The following SLC12A5 variants were observed in gnomAD, a reference collection of about 807,000 sequenced individuals.
SLC12A5 encodes K-Cl cotransporter 2.
In SLC12A5, 18 loss-of-function variants were observed where a neutral mutation model predicts 124.0. That is an observed-to-expected ratio of 0.15 (90% CI 0.10 to 0.22). The LOEUF is 0.22. Among genes scored for constraint, SLC12A5 ranks in the 10% least tolerant of loss-of-function variants. SLC12A5 has a pLI of 1.00. For missense variants in SLC12A5, 867 were observed against 1,478.7 expected, an observed-to-expected ratio of 0.59 and a Z score of 6.78; for synonymous variants, 589 against 568.0, an observed-to-expected ratio of 1.04 and a Z score of -0.53.
intron 15 of SLC12A5, 94 bp downstream of exon 15, chr20:46,047,667 G>T (rs1161625700): frequency 6.7e-7 from 1 of 1,494,392 alleles, no homozygotes; most frequent in East Asian, 2.3e-5. Context: ...GGGTGGTGGG[G>T]GTGAGATGAA....
chr20:46,027,768 A>C (rs545148430), upstream of SLC12A5: 4 of 152,328 alleles, frequency 2.6e-5, no homozygotes, highest in African/African-American at 9.6e-5. Context: ...AGAGAGTCCT[A>C]AACTGGAGTA....
rs966099844 is a variant in SLC12A5 at position 46,057,784 on chromosome 20, C to T, written c.*179C>T. ...TGGGGCTGATTCGGAGAGGGCGCCC[C>T]GCCGCGCAGAGACCAGAGCTCCTCA... On this transcript the variant is annotated 3_prime_UTR_variant, in exon 26 of 26. Transcript: ENST00000243964. This position sits in a 1 kb window ranked among gnomAD's most constrained non-coding sequence, Gnocchi z 7.1. 1.4e-5 allele frequency: 8 copies of T among 569,708 alleles called. No individual in the cohort carries two copies. Among genetic ancestry groups the T allele is most frequent in the South Asian group, 6.7e-5 (3 of 44,632 alleles). The allele number at this position is 569,708 out of a possible 1,614,324, so 35.3% of individuals were successfully genotyped here.
At chr20:46,048,202 G>A (rs528068957) in intron 16 of SLC12A5, 117 bp downstream of exon 16, 42 of 911,984 alleles carry the variant, frequency 4.6e-5, no homozygotes, top group Admixed American at 3.8e-4. Context: ...TTGCTGAGTC[G>A]TGCCCTAAAA....
At position 46,047,479 on chromosome 20, in the gene SLC12A5, C is replaced by T; in HGVS notation, c.1813C>T (p.Leu605Phe). 1.2e-6 allele frequency: 2 copies of T among 1,614,068 alleles called. No homozygotes were observed. The highest frequency in any genetic ancestry group is 1.7e-6 in the Non-Finnish European group (2 of 1,179,926). The change falls in exon 15 of 26, where the codon CTC becomes TTC. Residue 605 changes from leucine to phenylalanine, a missense_variant. Transcript: ENST00000243964. ...GACCCTCTCCTTCCTGGGCATGAGC[C>T]TCTGCCTGGCCCTCATGTTCATCTG... ...HWTLSFLGMS[L>F]CLALMFICSW...
At position 46,035,854 on chromosome 20, in the gene SLC12A5, G is replaced by A; in HGVS notation, c.357G>A (p.Arg119=). The part of the protein sequence containing the change: ...QNIFGVILFL[R]LTWVVGIAGI... ...TCTTTGGCGTCATCCTCTTCCTGCG[G>A]CTCACCTGGGTGGTGGGCATTGCAG... The change falls in exon 4 of 26, where the codon CGG becomes CGA. Residue 119 remains arginine (R), a synonymous_variant. Transcript: ENST00000243964. 1 of 1,614,072 alleles carries A rather than the reference G, an allele frequency of 6.2e-7. No individual in the cohort carries two copies. Among genetic ancestry groups the A allele is most frequent in the Non-Finnish European group, 8.5e-7 (1 of 1,179,966 alleles).
chr20:46,031,013 G>A (rs12373874), intron 1 of SLC12A5, among the ~76,000 whole-genome samples: 3,141 of 152,278 alleles, frequency 0.021, 40 homozygotes, highest in Non-Finnish European at 0.033. Flanking sequence ...CAGGCATCCC[G>A]ACGCGGATCT....
intron 1 of SLC12A5, among the ~76,000 whole-genome samples, chr20:46,033,346 G>A (rs1317516028): frequency 1.3e-5 from 2 of 152,160 alleles, no homozygotes; most frequent in African/African-American, 4.8e-5. Flanking sequence ...CCAGAGAGAT[G>A]TCAACTGCTG....
upstream of SLC12A5, among the ~76,000 whole-genome samples, chr20:46,026,744 G>GAT (rs912753813): frequency 3.9e-5 from 6 of 152,218 alleles, no homozygotes; most frequent in African/African-American, 1.4e-4. Flanking sequence ...TTTGCCCAGA[G>GAT]ATACACAGAG....
chr20:46,029,751 G>C (rs2084429221), intron 1 of SLC12A5, among the ~76,000 whole-genome samples: 1 of 152,172 alleles, frequency 6.6e-6, no homozygotes, highest in South Asian at 2.1e-4. Flanking sequence ...CCCCGACAGG[G>C]GACCCCGGCG....
upstream of SLC12A5, chr20:46,021,764 C>T (rs1313861320): frequency 2.6e-6 from 4 of 1,534,074 alleles, no homozygotes; most frequent in Middle Eastern, 2.1e-4. Context: ...CCTTTCCGCG[C>T]CATGAGCCGC....
intron 15 of SLC12A5, 29 bp from the exon 16 acceptor site, chr20:46,047,952 T>C (rs1433392753): frequency 2.5e-6 from 4 of 1,579,940 alleles, no homozygotes; most frequent in Non-Finnish European, 3.4e-6. Context: ...GGCTTTCTGC[T>C]CTCATGTGAT....
chr20:46,030,630 T>C (rs1031933069), intron 1 of SLC12A5, among the ~76,000 whole-genome samples: 2 of 152,150 alleles, frequency 1.3e-5, no homozygotes, highest in African/African-American at 4.8e-5. Flanking sequence ...CTTGACCCTA[T>C]GAGCCTAGAC....
chr20:46,057,343 C>T lies in SLC12A5; in HGVS notation c.3259+40C>T, dbSNP rs770205518. ...AAATTGGGGGAAAGAGGGAGGTGGA[C>T]GTCAGGGAATCTGGGTCCTGTCCCT... is the stretch of plus-strand genomic sequence containing the variant. On this transcript the variant is annotated intron_variant, in intron 25 of 25. Coordinates refer to ENST00000243964, the MANE Select transcript of SLC12A5 (RefSeq NM_020708.5). This position sits in a 1 kb window ranked among gnomAD's most constrained non-coding sequence, Gnocchi z 7.1. 1.9e-6 allele frequency: 3 copies of T among 1,613,012 alleles called. No homozygotes were observed. In the East Asian group the frequency reaches 6.7e-5, roughly 36 times the overall value.
At chr20:46,044,909 G>A in intron 11 of SLC12A5, 57 bp from the exon 12 acceptor site, 3 of 1,605,836 alleles carry the variant, frequency 1.9e-6, no homozygotes, top group Non-Finnish European at 2.6e-6. Flanking sequence ...ATGGAGACCT[G>A]CCCTGGAAAT....
intron 15 of SLC12A5, 46 bp downstream of exon 15, chr20:46,047,619 G>C (rs767666589): frequency 6.3e-7 from 1 of 1,598,844 alleles, no homozygotes; most frequent in African/African-American, 1.3e-5. Context: ...AAGGCTGAAG[G>C]GTGGTGGGAA....
intron 1 of SLC12A5, among the ~76,000 whole-genome samples, chr20:46,032,237 T>G (rs962766136): frequency 1.3e-5 from 2 of 152,188 alleles, no homozygotes; most frequent in Admixed American, 1.3e-4. Context: ...GGCCACCTAG[T>G]TGCAGGGTCT....
chr20:46,041,099 A>T, intron 7 of SLC12A5: 1 of 484,278 alleles, frequency 2.1e-6, no homozygotes, highest in Non-Finnish European at 3.7e-6. Flanking sequence ...GCTGAAACAC[A>T]GCATTGCACT....
At position 46,058,805 on chromosome 20, in the gene SLC12A5, GT is replaced by G; in HGVS notation, c.*1202del. 2.5e-6 allele frequency: 1 copy of G among 398,058 alleles called. No homozygotes were observed. Among genetic ancestry groups the G allele is most frequent in the Admixed American group, 4.4e-5 (1 of 22,744 alleles). 24.7% of individuals were successfully genotyped at this position (398,058 alleles called of 1,614,324 possible). ...GAGAGGCCCCAGAGCCGCCCGTGATGTTCCTCCCCCGTCCCCATCTGGCAGC... is the reference window on the plus strand; with the variant it reads ...GAGAGGCCCCAGAGCCGCCCGTGATGTCCTCCCCCGTCCCCATCTGGCAGC... On this transcript the variant is annotated 3_prime_UTR_variant, in exon 26 of 26. Coordinates refer to ENST00000243964, the MANE Select transcript of SLC12A5 (RefSeq NM_020708.5). The surrounding 1 kb of genome is among the most constrained non-coding windows in gnomAD (Gnocchi z 5.8).
In SLC12A5 at chr20:46,059,323, G is replaced by C. The variant is rs2084729715; in HGVS notation, c.*1718G>C. The C allele has an allele frequency of 2.7e-6, 1 of 367,584 alleles. No homozygotes were observed. The highest frequency in any genetic ancestry group is 4.6e-5 in the Admixed American group (1 of 21,728). 22.8% of individuals were successfully genotyped at this position (367,584 alleles called of 1,614,324 possible). Reference sequence around the variant, plus strand: ...AGCTGGCGCCACCCAGACAGCGTCAGGTGTGGCTGGGGTAGGTTTGGAGGT... The same window carrying C: ...AGCTGGCGCCACCCAGACAGCGTCACGTGTGGCTGGGGTAGGTTTGGAGGT... On this transcript the variant is annotated 3_prime_UTR_variant, in exon 26 of 26. Coordinates refer to ENST00000243964, the MANE Select transcript of SLC12A5 (RefSeq NM_020708.5).
Sources: gnomAD v4.1 joint callset for allele counts (sites outside exome capture counted in the v4.1 genomes callset) on GRCh38, gnomAD v4.1.1 for gene constraint, Gnocchi (gnomAD v3.1) non-coding constraint, MANE v1.5 for transcripts, NCBI Gene and HGNC (gene_info 2026-07-23, HGNC 2026-07-21) for gene names.